Variants in FBLN2 observed in about 807,000 individuals in gnomAD.
The protein encoded by FBLN2 is fibulin 2, also known as fibulin-2.
A neutral mutation model predicts 123.7 loss-of-function variants in FBLN2; 81 were observed. That is an observed-to-expected ratio of 0.65 (90% CI 0.55 to 0.79). The LOEUF (loss-of-function observed/expected upper bound fraction) is 0.79, where lower values mean the gene tolerates loss of function less well. Among genes scored for constraint, FBLN2 ranks in the 30% least tolerant of loss-of-function variants. FBLN2 has a pLI of 0.00. For missense variants in FBLN2, 1,603 were observed against 1,681.3 expected (o/e 0.95, Z 0.81); for synonymous variants, 699 against 701.4 (o/e 1.00, Z 0.05).
intron 1 of FBLN2, 45 bp downstream of exon 1, chr3:13,549,253 C>T: frequency 2.0e-6 from 2 of 977,444 alleles, no homozygotes; most frequent in Non-Finnish European, 2.4e-6. Flanking sequence ...CCCCGTCGGT[C>T]CGCGCCTCGC....
rs771592443 is a variant in FBLN2 at position 13,614,122 on chromosome 3, G to A, written c.1687G>A (p.Glu563Lys). 1 of 1,613,196 alleles carries A rather than the reference G, an allele frequency of 6.2e-7. No homozygotes were observed. Among genetic ancestry groups the A allele is most frequent in the South Asian group, 1.1e-5 (1 of 91,076 alleles). ...GGGTGAAGAGCCTCTCATAGTACCT[G>A]AGGTTCGCCGACCTCCAGAGCCCGC... Reference protein sequence around the residue: ...CEGEEPLIVPEVRRPPEPAAA... With the variant: ...CEGEEPLIVPKVRRPPEPAAA... Residue 563 changes from glutamate (E) to lysine (K), a missense_variant, in exon 5 of 18, where the codon GAG (glutamate) becomes AAG (lysine). Transcript: ENST00000404922.
chr3:13,599,774 G>C (rs1275567217), intron 2 of FBLN2, among the ~76,000 whole-genome samples: 1 of 151,884 alleles, frequency 6.6e-6, no homozygotes, highest in Non-Finnish European at 1.5e-5. Flanking sequence ...GACCCAGGGA[G>C]GGGGTGGCTT....
intron 12 of FBLN2, 38 bp from the exon 13 acceptor site, chr3:13,629,126 A>C: frequency 6.2e-7 from 1 of 1,612,506 alleles, no homozygotes; most frequent in Non-Finnish European, 8.5e-7. Flanking sequence ...GTGTGGAGGG[A>C]GCCCCAGGCC....
chr3:13,560,287 G>A (rs1013360625), intron 1 of FBLN2, among the ~76,000 whole-genome samples: 1 of 152,076 alleles, frequency 6.6e-6, no homozygotes, highest in Admixed American at 6.5e-5. Context: ...AACCCTGGCT[G>A]TTCCACTTGA....
In FBLN2 at chr3:13,631,405, T is replaced by A; in HGVS notation, c.3162T>A (p.Cys1054Ter). Residue 1054 changes from cysteine (C) to a stop codon, truncating the protein, a stop_gained, in exon 16 of 18, where the codon TGT (cysteine) becomes TGA (stop). Coordinates refer to ENST00000404922, the MANE Select transcript of FBLN2 (RefSeq NM_001004019.2). LOFTEE classifies it high-confidence loss of function. ...TCAACGTGCCAGGGAGCTACCAGTGTGCATGCCCTGAGCAGGGCTACACCA... is the reference window on the plus strand; with the variant it reads ...TCAACGTGCCAGGGAGCTACCAGTGAGCATGCCCTGAGCAGGGCTACACCA... ...RCLNVPGSYQ[C>*]ACPEQGYTMT... The A allele has an allele frequency of 1.2e-6, 2 of 1,601,442 alleles. No individual in the cohort carries two copies. The highest frequency in any genetic ancestry group is 1.7e-6 in the Non-Finnish European group (2 of 1,174,400).
chr3:13,626,648 G>A (rs1706050686), intron 10 of FBLN2, 69 bp downstream of exon 10: 1 of 1,460,786 alleles, frequency 6.8e-7, no homozygotes, highest in Non-Finnish European at 9.2e-7. Context: ...CCCCTCCCTG[G>A]TCCCACCCCT....
At position 13,629,174 on chromosome 3, in the gene FBLN2, G is replaced by A. The variant is rs1354151360; in HGVS notation, c.2724G>A (p.Glu908=). ...GCTCACCCCCCACAGACGTGAATGA[G>A]TGTGAGACAGGTGTGCACCGCTGCG... ...DDGTKCVDVN[E]CETGVHRCGE... Residue 908 remains glutamate (E), a synonymous_variant, in exon 13 of 18, where the codon GAG becomes GAA. Coordinates refer to ENST00000404922, the MANE Select transcript of FBLN2 (RefSeq NM_001004019.2). 6.2e-7 allele frequency: 1 copy of A among 1,613,228 alleles called. No homozygotes were observed. Among genetic ancestry groups the A allele is most frequent in the Admixed American group, 1.7e-5 (1 of 60,004 alleles).
intron 5 of FBLN2, among the ~76,000 whole-genome samples, chr3:13,616,832 T>A (rs1381300128): frequency 6.6e-6 from 1 of 152,186 alleles, no homozygotes; most frequent in East Asian, 1.9e-4. Flanking sequence ...GAGATGGGTT[T>A]ATTCCAGAAT....
At chr3:13,619,628 TTC>T (rs1705775971) in intron 7 of FBLN2, 100 bp from the exon 8 acceptor site, 5 of 917,716 alleles carry the variant, frequency 5.4e-6, no homozygotes, top group Non-Finnish European at 6.7e-6. Context: ...GGGGCCTTGT[TTC>T]TGTGTCTCAC....
In FBLN2 at chr3:13,629,361, C is replaced by T. The variant is rs913147924; in HGVS notation, c.2842+69C>T. On this transcript the variant is annotated intron_variant, in intron 13 of 17. Coordinates refer to ENST00000404922, the MANE Select transcript of FBLN2 (RefSeq NM_001004019.2). ...GTCCCCTGCCCTCTGTGCACTCCAC[C>T]TCCCCATGCCCAGCACCTCCACTGC... The T allele has an allele frequency of 3.3e-6, 5 of 1,498,528 alleles. No individual in the cohort carries two copies. The East Asian group carries it at 1.2e-4, about 37-fold the overall frequency. 92.8% of individuals were successfully genotyped at this position (1,498,528 alleles called of 1,614,324 possible).
chr3:13,588,771 A>G (rs190705592), intron 2 of FBLN2, among the ~76,000 whole-genome samples: 4 of 152,360 alleles, frequency 2.6e-5, no homozygotes, highest in Admixed American at 1.3e-4. Context: ...TATGTTTCTA[A>G]AAAGGTATGT....
intron 1 of FBLN2, chr3:13,568,654 C>T: frequency 2.1e-6 from 1 of 480,334 alleles, no homozygotes; most frequent in Non-Finnish European, 2.5e-6. Flanking sequence ...CACTCCCTGC[C>T]TGACGCCCTC....
rs1334035993 is a variant in FBLN2 at position 13,637,868 on chromosome 3, C to T, written c.3645C>T (p.Val1215=). 6.2e-7 allele frequency: 1 copy of T among 1,609,092 alleles called. No individual in the cohort carries two copies. The highest frequency in any genetic ancestry group is 1.3e-5 in the African/African-American group (1 of 75,030). ...TGAAGCTCTGGAGGCAGGGCTCCGT[C>T]ACCACCTTCCTGGCCAAGATGCACA... The part of the protein sequence containing the change: ...VEMKLWRQGS[V]TTFLAKMHIF... The change falls in exon 18 of 18, where the codon GTC becomes GTT. Residue 1215 remains valine (V), a synonymous_variant. Transcript: ENST00000404922.
chr3:13,606,937 G>A (rs1705224906), intron 2 of FBLN2, among the ~76,000 whole-genome samples: 1 of 152,200 alleles, frequency 6.6e-6, no homozygotes, highest in Admixed American at 6.5e-5. Flanking sequence ...ACAGGCATGA[G>A]CCACCGTGCC....
At chr3:13,584,788 C>T (rs973311351) in intron 2 of FBLN2, among the ~76,000 whole-genome samples, 1 of 152,248 alleles carries the variant, frequency 6.6e-6, no homozygotes, top group Non-Finnish European at 1.5e-5. Context: ...TGCCACCACA[C>T]AGGCATGGGC....
intron 2 of FBLN2, among the ~76,000 whole-genome samples, chr3:13,598,689 T>TA (rs1704927998): frequency 6.6e-6 from 1 of 152,226 alleles, no homozygotes; most frequent in African/African-American, 2.4e-5. Context: ...CCCCAGATTT[T>TA]ACCAGGGACC....
rs1360042394 is a variant in FBLN2 at position 13,630,808 on chromosome 3, C to T, written c.3078C>T (p.Thr1026=). ...ACCAGCTGGCTGAGGATGGGCACAC[C>T]TGCACAGGTACCTCTCCCCTGTCCA... ...QGYQLAEDGH[T]CTDIDECAQG... Residue 1026 remains threonine (T), a synonymous_variant, in exon 15 of 18, where the codon ACC becomes ACT. Coordinates refer to ENST00000404922, the MANE Select transcript of FBLN2 (RefSeq NM_001004019.2). 6.3e-7 allele frequency: 1 copy of T among 1,599,416 alleles called. No homozygotes were observed.
At chr3:13,560,536 A>C (rs544473931) in intron 1 of FBLN2, among the ~76,000 whole-genome samples, 1 of 151,450 alleles carries the variant, frequency 6.6e-6, no homozygotes, top group Non-Finnish European at 1.5e-5. Context: ...AGGACCACAG[A>C]CCTCTCCTCA....
At chr3:13,566,857 GA>G (rs1178580341) in intron 1 of FBLN2, among the ~76,000 whole-genome samples, 1 of 150,926 alleles carries the variant, frequency 6.6e-6, no homozygotes, top group Non-Finnish European at 1.5e-5. Context: ...TGAGCCAAAC[GA>G]AAGCACTTAT....
Sources: allele counts gnomAD v4.1 joint callset (sites outside exome capture counted in the v4.1 genomes callset), GRCh38; gene constraint gnomAD v4.1.1; transcripts MANE v1.5; gene names NCBI Gene and HGNC (gene_info 2026-07-23, HGNC 2026-07-21).